The following CYFIP1 variants were observed in gnomAD, a reference collection of about 807,000 sequenced individuals.
The protein encoded by CYFIP1 is cytoplasmic FMR1-interacting protein 1.
A neutral mutation model predicts 163.5 loss-of-function variants in CYFIP1; 58 were observed. The observed-to-expected ratio is 0.35, with a 90% CI of 0.29 to 0.44. The LOEUF (loss-of-function observed/expected upper bound fraction) is 0.44, where lower values mean the gene tolerates loss of function less well. Ranked by LOEUF, CYFIP1 falls within the 20% of genes least tolerant of loss-of-function variation. CYFIP1 has a pLI of 1.00. For missense variants in CYFIP1, 1,338 were observed against 1,653.8 expected, an observed-to-expected ratio of 0.81 and a Z score of 3.31; for synonymous variants, 663 against 660.7, an observed-to-expected ratio of 1.00 and a Z score of -0.05.
intron 23 of CYFIP1, among the ~76,000 whole-genome samples, chr15:22,885,481 C>G (rs1208554060): frequency 1.3e-5 from 2 of 152,176 alleles, no homozygotes; most frequent in African/African-American, 2.4e-5. Context: ...GCCTGTAATC[C>G]TAGCACGTTG....
At position 22,917,725 on chromosome 15, in the gene CYFIP1, G is replaced by A. The variant is rs916230122; in HGVS notation, c.1674+63C>T. 5.3e-6 allele frequency: 8 copies of A among 1,506,240 alleles called. No individual in the cohort carries two copies. The highest frequency in any genetic ancestry group is 2.9e-5 in the African/African-American group (2 of 69,824). 93.3% of individuals were successfully genotyped at this position (1,506,240 alleles called of 1,614,324 possible). On this transcript the variant is annotated intron_variant, in intron 15 of 30. Transcript: ENST00000617928. This position sits in a 1 kb window ranked among gnomAD's most constrained non-coding sequence, Gnocchi z 4.2. ...AACCCGGGCCTCACCAGCCCCACCC[G>A]CTCACAGCTCAGGGTGGGTCCCCCC... is the stretch of plus-strand genomic sequence containing the variant.
At chr15:22,896,912 TTTAA>T (rs1303065407) in intron 22 of CYFIP1, among the ~76,000 whole-genome samples, 9 of 150,860 alleles carry the variant, frequency 6.0e-5, no homozygotes, top group Admixed American at 4.6e-4. Context: ...GTTACTGTCT[TTTAA>T]AGAGTGTTGG....
At chr15:22,923,888 AGCCATAATCCTGCCACT>A (rs1198423800) in intron 13 of CYFIP1, among the ~76,000 whole-genome samples, 16 of 140,966 alleles carry the variant, frequency 1.1e-4, no homozygotes, top group Non-Finnish European at 1.7e-4. Context: ...GGCTGCAATA[AGCCATAATCCTGCCACT>A]GCACTCCAGT....
intron 1 of CYFIP1, among the ~76,000 whole-genome samples, chr15:22,967,509 G>A (rs1329665845): frequency 2.0e-5 from 3 of 152,156 alleles, no homozygotes; most frequent in Non-Finnish European, 2.9e-5. Context: ...ACAGTGTGTG[G>A]GAAGACATGT....
In CYFIP1 at chr15:22,943,160, G is replaced by A; in HGVS notation, c.569+13C>T. ...TCTCGGGAGGGCCCGCAGTGCGCGAGGTGGGTGCTCACCTCTTGTACGCTG... is the reference window on the plus strand; with the variant it reads ...TCTCGGGAGGGCCCGCAGTGCGCGAAGTGGGTGCTCACCTCTTGTACGCTG... On this transcript the variant is annotated intron_variant, in intron 6 of 30. Coordinates refer to ENST00000617928, the MANE Select transcript of CYFIP1 (RefSeq NM_014608.6). The A allele has an allele frequency of 6.2e-7, 1 of 1,613,290 alleles. No individual in the cohort carries two copies.
intron 18 of CYFIP1, among the ~76,000 whole-genome samples, chr15:22,911,741 G>A (rs1423458432): frequency 6.6e-6 from 1 of 152,192 alleles, no homozygotes; most frequent in African/African-American, 2.4e-5. Flanking sequence ...AGGAGATGAT[G>A]TGTAGAATAA....
At chr15:22,949,249 G>A (rs1487336997) in intron 1 of CYFIP1, among the ~76,000 whole-genome samples, 2 of 141,802 alleles carry the variant, frequency 1.4e-5, no homozygotes, top group Non-Finnish European at 3.1e-5. Context: ...CAGGCCGGAG[G>A]GCGGGCACAA....
intron 9 of CYFIP1, among the ~76,000 whole-genome samples, chr15:22,935,777 T>G (rs2061692936): frequency 6.6e-6 from 1 of 152,140 alleles, no homozygotes; most frequent in South Asian, 2.1e-4. Context: ...AGATCTTAAG[T>G]GTTCTCATCA....
intron 1 of CYFIP1, among the ~76,000 whole-genome samples, chr15:22,961,301 C>T (rs1283852773): frequency 6.6e-6 from 1 of 152,180 alleles, no homozygotes; most frequent in Non-Finnish European, 1.5e-5. Flanking sequence ...AGATTGCAGG[C>T]ATGAGCCACT....
chr15:22,893,266 T>A (rs996747244), intron 22 of CYFIP1, among the ~76,000 whole-genome samples: 7 of 152,214 alleles, frequency 4.6e-5, no homozygotes, highest in Non-Finnish European at 8.8e-5. Context: ...GCTCGTGGGC[T>A]CTGCTGCGCT....
intron 21 of CYFIP1, chr15:22,904,681 T>C (rs1446254976): frequency 6.6e-6 from 1 of 152,214 alleles, no homozygotes; most frequent in Non-Finnish European, 1.5e-5. Flanking sequence ...TGGACAGTAA[T>C]GGCCTCGATC....
chr15:22,922,101 A>T (rs193174916), intron 13 of CYFIP1, among the ~76,000 whole-genome samples: 1 of 152,304 alleles, frequency 6.6e-6, no homozygotes, highest in Non-Finnish European at 1.5e-5. Flanking sequence ...AGAAAGGCCC[A>T]TCTTCAGGAC....
At chr15:22,951,434 G>A (rs1373398128) in intron 1 of CYFIP1, 2 of 1,289,438 alleles carry the variant, frequency 1.6e-6, no homozygotes, top group African/African-American at 1.5e-5. Flanking sequence ...CCAGCATGGG[G>A]GGCCTGCCCT....
intron 13 of CYFIP1, among the ~76,000 whole-genome samples, chr15:22,921,764 C>CAAAAAAA (rs35027433): frequency 3.4e-5 from 2 of 58,156 alleles, no homozygotes; most frequent in Admixed American, 1.8e-4. Context: ...GACTCTGTCT[C>CAAAAAAA]AAAAAAAAAA....
In CYFIP1 at chr15:22,870,073, C is replaced by A. The variant is rs749849550; in HGVS notation, c.3717G>T (p.Val1239=). The change falls in exon 31 of 31, where the codon GTG becomes GTT. Residue 1239 remains valine (V), a synonymous_variant. Transcript: ENST00000617928. ...GGTGGATGGGCGGCTGGAAGCAGCG[C>A]ACATGCTCCACTGGCGTGCCCTCCC... ...GDGEGTPVEH[V]RCFQPPIHQS... is the part of the protein sequence containing the mutation. 3 of 1,612,086 alleles carry A rather than the reference C, an allele frequency of 1.9e-6. No individual in the cohort carries two copies. The South Asian group carries it at 3.3e-5, about 18-fold the overall frequency.
chr15:22,934,006 G>T, intron 9 of CYFIP1, 113 bp from the exon 10 acceptor site: 1 of 656,580 alleles, frequency 1.5e-6, no homozygotes, highest in Non-Finnish European at 2.6e-6. Context: ...TGCTACCTCT[G>T]CAAATGATTC....
At chr15:22,912,621 C>G (rs4457961) in intron 17 of CYFIP1, among the ~76,000 whole-genome samples, 11 of 152,094 alleles carry the variant, frequency 7.2e-5, no homozygotes, top group African/African-American at 2.7e-4. Context: ...TTCTTATTTC[C>G]AGAATGAACT....
In CYFIP1 at chr15:22,867,432, G is replaced by T; in HGVS notation, c.*2596C>A. ...ATCACCCCAAGGAACGATTTCTCAG[G>T]TTGAGATGATCACCGTGAATCCGGC... On this transcript the variant is annotated 3_prime_UTR_variant, in exon 31 of 31. Transcript: ENST00000617928. 1 of 366,412 alleles carries T rather than the reference G, an allele frequency of 2.7e-6. No individual in the cohort carries two copies. Among genetic ancestry groups the T allele is most frequent in the Non-Finnish European group, 4.8e-6 (1 of 207,148 alleles). The allele number at this position is 366,412 out of a possible 1,614,324, so 22.7% of individuals were successfully genotyped here.
intron 23 of CYFIP1, among the ~76,000 whole-genome samples, chr15:22,892,181 A>T (rs111595841): frequency 2.0e-3 from 308 of 152,104 alleles, no homozygotes; most frequent in African/African-American, 7.2e-3. Context: ...GAGGCTGGGG[A>T]TCTGCTTGTA....
Sources: allele counts gnomAD v4.1 joint callset (sites outside exome capture counted in the v4.1 genomes callset), GRCh38; gene constraint gnomAD v4.1.1; non-coding constraint Gnocchi (gnomAD v3.1); transcripts MANE v1.5; gene names NCBI Gene and HGNC (gene_info 2026-07-23, HGNC 2026-07-21).